NOL4: variants seen among roughly 807,000 people sequenced by gnomAD.
NOL4 encodes the protein cancer/testis antigen 125.
In NOL4, 17 loss-of-function variants were observed where a neutral mutation model predicts 75.9. The ratio of observed to expected loss-of-function variants is 0.22; its 90% CI spans 0.15 to 0.34. NOL4 has a LOEUF of 0.34. Among genes scored for constraint, NOL4 ranks in the 10% least tolerant of loss-of-function variants. The pLI is 1.00. For synonymous variants in NOL4, 292 were observed against 289.9 expected, an observed-to-expected ratio of 1.01 and a Z score of -0.07; for missense variants, 614 against 793.5, an observed-to-expected ratio of 0.77 and a Z score of 2.72.
At chr18:34,037,650 A>G (rs78265889) in intron 5 of NOL4, among the ~76,000 whole-genome samples, 17,293 of 152,160 alleles carry the variant, frequency 0.11, 1,076 homozygotes, top group Middle Eastern at 0.14. Flanking sequence ...TACAAAGAAT[A>G]TATACTAGGG....
At chr18:34,144,554 A>G (rs1343644499) in intron 1 of NOL4, among the ~76,000 whole-genome samples, 1 of 152,184 alleles carries the variant, frequency 6.6e-6, no homozygotes, top group Non-Finnish European at 1.5e-5. Flanking sequence ...CGAGTTAGTG[A>G]TAGCAAGTCT....
At chr18:34,009,904 T>A (rs1413297703) in intron 6 of NOL4, among the ~76,000 whole-genome samples, 1 of 151,974 alleles carries the variant, frequency 6.6e-6, no homozygotes, top group African/African-American at 2.4e-5. Context: ...TAACAGAGCC[T>A]AATTCCATTG....
chr18:34,029,729 C>T (rs888205127), intron 5 of NOL4, among the ~76,000 whole-genome samples: 9 of 152,190 alleles, frequency 5.9e-5, no homozygotes, highest in African/African-American at 1.7e-4. Flanking sequence ...GGATACTATG[C>T]TCTGTATCTC....
At chr18:34,189,126 A>T (rs1171422466) in intron 1 of NOL4, among the ~76,000 whole-genome samples, 2 of 152,166 alleles carry the variant, frequency 1.3e-5, no homozygotes. Context: ...AAAGTCCAAG[A>T]TCAGGTGGCT....
At chr18:34,015,784 C>T (rs115657151) in intron 6 of NOL4, among the ~76,000 whole-genome samples, 8 of 152,060 alleles carry the variant, frequency 5.3e-5, no homozygotes, top group East Asian at 1.9e-4. Context: ...GTAAACTACA[C>T]GTCAAAACCT....
At chr18:34,001,760 T>C (rs2073730153) in intron 6 of NOL4, 1 of 152,760 alleles carries the variant, frequency 6.5e-6, no homozygotes, top group South Asian at 2.1e-4. Context: ...TAACTGTGTG[T>C]GATCAATTAA....
At chr18:33,964,724 T>G (rs1348105022) in intron 6 of NOL4, among the ~76,000 whole-genome samples, 2 of 152,136 alleles carry the variant, frequency 1.3e-5, no homozygotes, top group African/African-American at 2.4e-5. Flanking sequence ...ATGACCTCCA[T>G]GAGATTCTGA....
At chr18:34,101,986 T>A (rs2079062269) in intron 4 of NOL4, among the ~76,000 whole-genome samples, 2 of 152,050 alleles carry the variant, frequency 1.3e-5, no homozygotes, top group Non-Finnish European at 2.9e-5. Flanking sequence ...TCCAACCATG[T>A]TGACTGTCTT....
chr18:33,888,610 G>C (rs999026371), intron 9 of NOL4, among the ~76,000 whole-genome samples: 5 of 151,960 alleles, frequency 3.3e-5, no homozygotes, highest in Non-Finnish European at 5.9e-5. Flanking sequence ...GTGTAAGGAA[G>C]GGATCCAGTT....
At chr18:33,976,698 TC>T (rs1475337130) in intron 6 of NOL4, among the ~76,000 whole-genome samples, 1 of 152,196 alleles carries the variant, frequency 6.6e-6, no homozygotes, top group Non-Finnish European at 1.5e-5. Flanking sequence ...TACTGTTATC[TC>T]ATATTTATAG....
chr18:34,123,404 G>A (rs950926753), intron 2 of NOL4, among the ~76,000 whole-genome samples: 7 of 151,026 alleles, frequency 4.6e-5, no homozygotes, highest in African/African-American at 1.7e-4. Context: ...AATCACTTGT[G>A]TAAAACCTAT....
intron 2 of NOL4, among the ~76,000 whole-genome samples, chr18:34,129,349 G>A (rs1401694437): frequency 6.6e-6 from 1 of 151,320 alleles, no homozygotes; most frequent in Non-Finnish European, 1.5e-5. Flanking sequence ...ATTCTATCCT[G>A]GAAAATTAAG....
intron 5 of NOL4, among the ~76,000 whole-genome samples, chr18:34,049,387 G>C (rs1024073062): frequency 6.6e-6 from 1 of 151,798 alleles, no homozygotes; most frequent in Non-Finnish European, 1.5e-5. Flanking sequence ...AAATTTTCTG[G>C]AAAATAATGA....
At chr18:34,114,181 A>G (rs2079740272) in intron 2 of NOL4, among the ~76,000 whole-genome samples, 1 of 152,246 alleles carries the variant, frequency 6.6e-6, no homozygotes, top group Non-Finnish European at 1.5e-5. Flanking sequence ...TTCTGCTTCT[A>G]GATGGAAATT....
chr18:33,913,502 A>C (rs2066530793), intron 9 of NOL4, among the ~76,000 whole-genome samples: 1 of 152,108 alleles, frequency 6.6e-6, no homozygotes, highest in African/African-American at 2.4e-5. Flanking sequence ...CTTCTAGAAA[A>C]CCACAATGGT....
intron 2 of NOL4, among the ~76,000 whole-genome samples, chr18:34,108,464 A>C (rs2079421218): frequency 6.6e-6 from 1 of 152,208 alleles, no homozygotes; most frequent in South Asian, 2.1e-4. Context: ...CACATTAGCT[A>C]TAAGTGGACA....
At chr18:34,052,982 C>T (rs1306024561) in intron 5 of NOL4, among the ~76,000 whole-genome samples, 1 of 152,010 alleles carries the variant, frequency 6.6e-6, no homozygotes, top group Non-Finnish European at 1.5e-5. Flanking sequence ...AGCCCAAGAT[C>T]CCTGAGGGAA....
intron 2 of NOL4, among the ~76,000 whole-genome samples, chr18:34,123,743 T>C (rs1006814795): frequency 9.3e-5 from 14 of 150,032 alleles, no homozygotes; most frequent in Admixed American, 2.0e-4. Flanking sequence ...TATATAGATA[T>C]AGAAAGACAT....
At chr18:34,141,730 T>C (rs912761431) in intron 1 of NOL4, among the ~76,000 whole-genome samples, 4 of 152,026 alleles carry the variant, frequency 2.6e-5, no homozygotes, top group Non-Finnish European at 4.4e-5. Flanking sequence ...CATGAAAACC[T>C]TAGAAGAAAA....
Sources: gnomAD v4.1 joint callset for allele counts (sites outside exome capture counted in the v4.1 genomes callset) on GRCh38, gnomAD v4.1.1 for gene constraint, MANE v1.5 for transcripts, NCBI Gene and HGNC (gene_info 2026-07-23, HGNC 2026-07-21) for gene names.